Variants in LILRB1 observed in about 807,000 individuals in gnomAD.
LILRB1 encodes the protein leukocyte immunoglobulin like receptor B1.
In LILRB1, 59 loss-of-function variants were observed where a neutral mutation model predicts 74.6. The ratio of observed to expected loss-of-function variants is 0.79; its 90% CI spans 0.64 to 0.98. The LOEUF (loss-of-function observed/expected upper bound fraction) is 0.98. LILRB1 is among the 50% of genes least tolerant of loss of function. LILRB1 has a pLI of 0.00. For missense variants in LILRB1, 804 were observed against 822.6 expected, an observed-to-expected ratio of 0.98 and a Z score of 0.28; for synonymous variants, 328 against 333.9, an observed-to-expected ratio of 0.98 and a Z score of 0.19.
chr19:54,637,778 G>A lies in LILRB1; in HGVS notation c.*900G>A, dbSNP rs1438153286. ...CAGGCATGCATTTCCATATGGGAGT[G>A]AGCCAGCAGACAGCCCTACAGATCG... On this transcript the variant is annotated 3_prime_UTR_variant, in exon 15 of 15. Coordinates refer to ENST00000324602, the MANE Select transcript of LILRB1 (RefSeq NM_001081637.3). Among the ~76,000 whole-genome samples the A allele has an allele frequency of 2.0e-5, 3 of 152,158 alleles. No homozygotes were observed. The East Asian group carries it at 5.8e-4, about 29-fold the overall frequency.
chr19:54,633,078 A>T lies in LILRB1; in HGVS notation c.1021A>T (p.Asn341Tyr), dbSNP rs2064047466. The T allele has an allele frequency of 1.2e-6, 2 of 1,614,228 alleles. No homozygotes were observed. The highest frequency in any genetic ancestry group is 1.1e-5 in the South Asian group (1 of 91,086). The change falls in exon 7 of 15, where the codon AAC becomes TAC. Residue 341 changes from asparagine (N) to tyrosine (Y), a missense_variant. Asn to Tyr is a moderately radical substitution (Grantham distance 143). Coordinates refer to ENST00000324602, the MANE Select transcript of LILRB1 (RefSeq NM_001081637.3). ...GGGCCCCACGGTGGCCTCAGGAGAG[A>T]ACGTGACCCTGCTGTGTCAGTCACA... Reference protein sequence around the residue: ...QPGPTVASGENVTLLCQSQGW... With the variant: ...QPGPTVASGEYVTLLCQSQGW...
chr19:54,617,587 GTGGT>G (rs1445254703), intron 1 of LILRB1, among the ~76,000 whole-genome samples: 2 of 148,280 alleles, frequency 1.3e-5, no homozygotes, highest in African/African-American at 5.0e-5. Flanking sequence ...GTGTGTGTGT[GTGGT>G]GTGTGTGTGT....
At chr19:54,633,809 C>T (rs1046789833) in intron 8 of LILRB1, 121 bp downstream of exon 8, 9 of 1,456,582 alleles carry the variant, frequency 6.2e-6, no homozygotes, top group Non-Finnish European at 7.4e-6. Flanking sequence ...CCGGGCAGAG[C>T]CAGAGGAGGG....
intron 1 of LILRB1, among the ~76,000 whole-genome samples, chr19:54,621,216 C>T (rs2146162944): frequency 6.6e-6 from 1 of 151,956 alleles, no homozygotes; most frequent in East Asian, 1.9e-4. Flanking sequence ...TGGCTGGATA[C>T]CATGTAATGG....
upstream of LILRB1, chr19:54,630,400 GAAGTT>G: frequency 3.0e-6 from 1 of 332,446 alleles, no homozygotes; most frequent in East Asian, 7.8e-5. Context: ...TTAAAAAGGG[GAAGTT>G]AAGAGGGGAC....
chr19:54,635,342 C>T lies in LILRB1; in HGVS notation c.1600+46C>T, dbSNP rs761714471. 8.1e-6 allele frequency: 13 copies of T among 1,609,158 alleles called. No individual in the cohort carries two copies. The Admixed American group carries it at 8.4e-5, about 10-fold the overall frequency. On this transcript the variant is annotated intron_variant, in intron 12 of 14. Coordinates refer to ENST00000324602, the MANE Select transcript of LILRB1 (RefSeq NM_001081637.3). ...ACCAGCCAGGAGGGAGATGGGGGCC[C>T]CGAAGTTTCCGTAGCAATGGGGAAA...
chr19:54,624,139 G>T (rs531275074), intron 1 of LILRB1, among the ~76,000 whole-genome samples: 26 of 152,302 alleles, frequency 1.7e-4, no homozygotes, highest in African/African-American at 5.8e-4. Context: ...GAACACCCCT[G>T]GGCAGAGCTG....
chr19:54,635,221 C>T lies in LILRB1; in HGVS notation c.1563-38C>T, dbSNP rs548857534. Reference sequence around the variant, plus strand: ...ACCCCAGACTCCCACCTGCTCGTGGCCCATACACTGCCCCTAAAGCTCCCA... The same window carrying T: ...ACCCCAGACTCCCACCTGCTCGTGGTCCATACACTGCCCCTAAAGCTCCCA... On this transcript the variant is annotated intron_variant, in intron 11 of 14. Coordinates refer to ENST00000324602, the MANE Select transcript of LILRB1 (RefSeq NM_001081637.3). The T allele has an allele frequency of 5.0e-6, 8 of 1,611,832 alleles. No homozygotes were observed. The African/African-American group carries it at 9.3e-5, about 19-fold the overall frequency.
intron 1 of LILRB1, among the ~76,000 whole-genome samples, chr19:54,623,398 T>C (rs1169384890): frequency 6.6e-6 from 1 of 152,222 alleles, no homozygotes; most frequent in Non-Finnish European, 1.5e-5. Context: ...GGAAGTTGTA[T>C]GTGTCTAGGA....
At chr19:54,621,108 A>G (rs886105607) in intron 1 of LILRB1, among the ~76,000 whole-genome samples, 1 of 152,164 alleles carries the variant, frequency 6.6e-6, no homozygotes, top group Non-Finnish European at 1.5e-5. Context: ...TCCCAACCTC[A>G]GGTGATCTGC....
At chr19:54,621,676 A>AGG (rs1489295401) in intron 1 of LILRB1, among the ~76,000 whole-genome samples, 2 of 151,964 alleles carry the variant, frequency 1.3e-5, no homozygotes, top group Non-Finnish European at 2.9e-5. Flanking sequence ...TTTGCTGTGC[A>AGG]GTAGCTTTTA....
intron 4 of LILRB1, 40 bp from the exon 5 acceptor site, chr19:54,631,895 G>C (rs778225821): frequency 6.2e-7 from 1 of 1,608,230 alleles, no homozygotes. Context: ...GACGCGGGTG[G>C]TCTGAGCCAC....
Position 54,636,212 on chromosome 19 carries a change from C to T in LILRB1, c.1654-282C>T, listed in dbSNP as rs769850973. 2.2e-4 allele frequency: 131 copies of T among 605,514 alleles called. 2 individuals carry two copies. The highest frequency in any genetic ancestry group is 3.7e-4 in the Admixed American group (13 of 35,364). The allele number at this position is 605,514 out of a possible 1,614,324, so 37.5% of individuals were successfully genotyped here. A position where few individuals can be genotyped will look rare whatever the true frequency, so the allele number is the denominator to read the frequency against. On this transcript the variant is annotated intron_variant, in intron 13 of 14. Coordinates refer to ENST00000324602, the MANE Select transcript of LILRB1 (RefSeq NM_001081637.3). ...GTGGGGCACACGATCCTCTGATGGACGAGCCCCTGCAGGCAGAGGAAACAA... is the reference window on the plus strand; with the variant it reads ...GTGGGGCACACGATCCTCTGATGGATGAGCCCCTGCAGGCAGAGGAAACAA...
chr19:54,631,383 G>A (rs1350876549), intron 3 of LILRB1, 77 bp downstream of exon 3: 6 of 1,613,336 alleles, frequency 3.7e-6, no homozygotes, highest in Admixed American at 3.3e-5. Context: ...GCTGGGGATG[G>A]GGAATAGCAG....
chr19:54,636,712 C>T lies in LILRB1; in HGVS notation c.1813-20C>T. 6.3e-7 allele frequency: 1 copy of T among 1,593,136 alleles called. No individual in the cohort carries two copies. Among genetic ancestry groups the T allele is most frequent in the Non-Finnish European group, 8.6e-7 (1 of 1,168,062 alleles). On this transcript the variant is annotated intron_variant, in intron 14 of 14. Coordinates refer to ENST00000324602, the MANE Select transcript of LILRB1 (RefSeq NM_001081637.3). Reference sequence around the variant, plus strand: ...CCCACCCCCACCACGTTCCTTCCCTCTCACTCTCCCCCGCTGCAGGCTGCT... The same window carrying T: ...CCCACCCCCACCACGTTCCTTCCCTTTCACTCTCCCCCGCTGCAGGCTGCT...
At chr19:54,622,833 G>A (rs796450507) in intron 1 of LILRB1, among the ~76,000 whole-genome samples, 1 of 152,110 alleles carries the variant, frequency 6.6e-6, no homozygotes, top group Non-Finnish European at 1.5e-5. Flanking sequence ...TTATTTTGGG[G>A]TATGTTTCTT....
intron 8 of LILRB1, 102 bp from the exon 9 acceptor site, chr19:54,633,869 T>C: frequency 6.8e-7 from 1 of 1,479,458 alleles, no homozygotes; most frequent in Non-Finnish European, 9.1e-7. Flanking sequence ...GGGTGGGGGG[T>C]CAAGGCAGAG....
chr19:54,618,219 G>C (rs987521693), intron 1 of LILRB1, among the ~76,000 whole-genome samples: 1 of 151,874 alleles, frequency 6.6e-6, no homozygotes, highest in African/African-American at 2.4e-5. Flanking sequence ...TGCCTAATGC[G>C]TCCATGAATC....
At chr19:54,634,593 G>A (rs112057237) in intron 9 of LILRB1, 48 bp from the exon 10 acceptor site, 70,119 of 1,534,836 alleles carry the variant, frequency 0.046, 1,976 homozygotes, top group Non-Finnish European at 0.048. Flanking sequence ...CACAGTAGGC[G>A]CTCATTTCAA....
Sources: allele counts gnomAD v4.1 joint callset (sites outside exome capture counted in the v4.1 genomes callset), GRCh38; gene constraint gnomAD v4.1.1; transcripts MANE v1.5; gene names NCBI Gene and HGNC (gene_info 2026-07-23, HGNC 2026-07-21).